SNUPN: variants seen among roughly 807,000 people sequenced by gnomAD.
SNUPN encodes the protein snurportin-1.
Under a neutral mutation model 39.2 loss-of-function variants are expected in SNUPN, and 31 were observed. The ratio of observed to expected loss-of-function variants is 0.79; its 90% CI spans 0.59 to 1.07. SNUPN has a LOEUF of 1.07. SNUPN is among the 50% of genes least tolerant of loss of function. The pLI, the probability that SNUPN is intolerant of heterozygous loss-of-function variation, is 0.00. For missense variants in SNUPN, 382 were observed against 434.2 expected (o/e 0.88, Z 1.07); for synonymous variants, 132 against 159.0 (o/e 0.83, Z 1.28).
intron 2 of SNUPN, among the ~76,000 whole-genome samples, chr15:75,619,054 AG>A (rs1291140648): frequency 2.1e-5 from 3 of 140,282 alleles, no homozygotes; most frequent in African/African-American, 7.9e-5. Flanking sequence ...AAAAAAAGCC[AG>A]GTGCAGTGGC....
Position 75,610,105 on chromosome 15 carries a change from T to C in SNUPN, c.304-111A>G. On this transcript the variant is annotated intron_variant, in intron 3 of 8. Coordinates refer to ENST00000308588, the MANE Select transcript of SNUPN (RefSeq NM_005701.4). ...TATATTAAAAACCTGAGTGAAAGAA[T>C]GAGGGCAGAGAGCCGGGCACGGGGG... is the stretch of plus-strand genomic sequence containing the variant. The C allele has an allele frequency of 5.9e-6, 5 of 849,104 alleles. No individual in the cohort carries two copies. In the South Asian group the frequency reaches 7.4e-5, roughly 13 times the overall value. The allele number at this position is 849,104 out of a possible 1,614,324, so 52.6% of individuals were successfully genotyped here.
chr15:75,623,925 A>T (rs867134655), intron 1 of SNUPN, among the ~76,000 whole-genome samples: 2,268 of 118,614 alleles, frequency 0.019, 247 homozygotes, highest in African/African-American at 0.072. Context: ...TCATGATAAA[A>T]TTTTTTTTTT....
chr15:75,608,444 G>A (rs1309136677), intron 5 of SNUPN, among the ~76,000 whole-genome samples: 1 of 152,184 alleles, frequency 6.6e-6, no homozygotes, highest in Admixed American at 6.6e-5. Flanking sequence ...AAAGGAGCCT[G>A]AGCAGGTAGA....
At chr15:75,622,230 A>T in intron 1 of SNUPN, 1 of 508,076 alleles carries the variant, frequency 2.0e-6, no homozygotes, top group Non-Finnish European at 2.5e-6. Flanking sequence ...AAATTATTTT[A>T]AATTATAATT....
At chr15:75,603,842 A>G (rs1436198812) in intron 7 of SNUPN, among the ~76,000 whole-genome samples, 1 of 152,192 alleles carries the variant, frequency 6.6e-6, no homozygotes, top group Non-Finnish European at 1.5e-5. Context: ...CTGAAGCAGC[A>G]TAACTAAGTG....
chr15:75,614,262 G>A (rs1483203559), intron 3 of SNUPN, among the ~76,000 whole-genome samples: 1 of 152,140 alleles, frequency 6.6e-6, no homozygotes, highest in East Asian at 1.9e-4. Flanking sequence ...CTGTACTCCA[G>A]CCTGGGTGAG....
intron 1 of SNUPN, among the ~76,000 whole-genome samples, chr15:75,621,809 G>T (rs1230053657): frequency 7.0e-6 from 1 of 142,972 alleles, no homozygotes; most frequent in Non-Finnish European, 1.5e-5. Context: ...AGGCCGAGGT[G>T]GGTGGATCAC....
intron 7 of SNUPN, among the ~76,000 whole-genome samples, chr15:75,602,639 T>C (rs1009439616): frequency 1.3e-5 from 2 of 151,856 alleles, no homozygotes; most frequent in Admixed American, 1.3e-4. Flanking sequence ...AGAGTTGCGC[T>C]CTTTCACCCA....
intron 7 of SNUPN, among the ~76,000 whole-genome samples, chr15:75,603,660 C>CAAAA (rs775817247): frequency 6.8e-5 from 3 of 44,118 alleles, no homozygotes; most frequent in East Asian, 7.7e-4. Flanking sequence ...GACTCTGTCT[C>CAAAA]AAAAAAAAAA....
At chr15:75,603,554 A>G (rs1006899946) in intron 7 of SNUPN, among the ~76,000 whole-genome samples, 4 of 149,716 alleles carry the variant, frequency 2.7e-5, no homozygotes, top group Admixed American at 6.7e-5. Flanking sequence ...CCAGCTACTC[A>G]GGAGGCTGAG....
intron 3 of SNUPN, among the ~76,000 whole-genome samples, chr15:75,613,095 A>T (rs1349110578): frequency 6.6e-6 from 1 of 151,996 alleles, no homozygotes; most frequent in Non-Finnish European, 1.5e-5. Flanking sequence ...GTCTCTACTG[A>T]AAATACAAAA....
intron 2 of SNUPN, among the ~76,000 whole-genome samples, chr15:75,620,658 T>A (rs1011176203): frequency 6.6e-6 from 1 of 152,178 alleles, no homozygotes; most frequent in Non-Finnish European, 1.5e-5. Context: ...AACCAAATAA[T>A]TGAGCTTTTG....
chr15:75,603,317 G>T (rs1199764159), intron 7 of SNUPN, among the ~76,000 whole-genome samples: 1 of 149,648 alleles, frequency 6.7e-6, no homozygotes, highest in African/African-American at 2.5e-5. Context: ...AAAGTGCTGG[G>T]ATTACAGGCG....
chr15:75,599,276 G>C (rs2075266415), intron 8 of SNUPN, among the ~76,000 whole-genome samples: 1 of 152,230 alleles, frequency 6.6e-6, no homozygotes, highest in South Asian at 2.1e-4. Flanking sequence ...GTGTCTGAGA[G>C]ATGGGGCTGC....
intron 5 of SNUPN, 25 bp downstream of exon 5, chr15:75,609,533 A>G (rs754294691): frequency 7.6e-6 from 12 of 1,582,228 alleles, no homozygotes; most frequent in Middle Eastern, 1.7e-4. Flanking sequence ...TTACTGATCA[A>G]TAAGTAGACA....
intron 1 of SNUPN, among the ~76,000 whole-genome samples, chr15:75,623,491 CTGGACTACAG>C (rs1893128733): frequency 6.6e-6 from 1 of 150,724 alleles, no homozygotes; most frequent in African/African-American, 2.4e-5. Flanking sequence ...GTCTCCCAGG[CTGGACTACAG>C]TGGTGTGATC....
In SNUPN at chr15:75,620,954, G is replaced by T; in HGVS notation, c.98C>A (p.Ser33Tyr). Residue 33 changes from serine to tyrosine, a missense_variant, in exon 2 of 9, where the codon TCC becomes TAC. By Grantham distance (144) the Ser-to-Tyr change is moderately radical. Coordinates refer to ENST00000308588, the MANE Select transcript of SNUPN (RefSeq NM_005701.4). ...APHPRLSQYK[S>Y]KYSSLEQSER... The stretch of plus-strand genomic sequence containing the variant: ...ACTCTGCTCCAAGGAACTGTACTTG[G>T]ACTTGTACTGGGATAGGCGGGGGTG... 1 of 1,614,048 alleles carries T rather than the reference G, an allele frequency of 6.2e-7. No individual in the cohort carries two copies. Among genetic ancestry groups the T allele is most frequent in the South Asian group, 1.1e-5 (1 of 91,068 alleles).
intron 1 of SNUPN, chr15:75,624,906 G>A (rs1893179793): frequency 8.4e-6 from 2 of 238,654 alleles, no homozygotes; most frequent in South Asian, 8.7e-5. Context: ...CCGAGTAGCT[G>A]GGATTACAGG....
chr15:75,613,148 G>C (rs1420969648), intron 3 of SNUPN, among the ~76,000 whole-genome samples: 2 of 149,498 alleles, frequency 1.3e-5, no homozygotes, highest in Non-Finnish European at 3.0e-5. Flanking sequence ...AGTCCCAGCT[G>C]TTCGGGAGGC....
Sources: gnomAD v4.1 joint callset for allele counts (sites outside exome capture counted in the v4.1 genomes callset) on GRCh38, gnomAD v4.1.1 for gene constraint, MANE v1.5 for transcripts, NCBI Gene and HGNC (gene_info 2026-07-23, HGNC 2026-07-21) for gene names.